The following MYO15B variants were observed in gnomAD, a reference collection of about 807,000 sequenced individuals.
MYO15B encodes the protein myosin XVB pseudogene.
In MYO15B, 207 loss-of-function variants were observed where a neutral mutation model predicts 119.3. The observed-to-expected ratio is 1.73, with a 90% CI of 1.55 to 1.95. The LOEUF (loss-of-function observed/expected upper bound fraction) is 1.95. Ranked by LOEUF, MYO15B falls within the 30% of genes most tolerant of loss-of-function variation. MYO15B has a pLI of 0.00. For synonymous variants in MYO15B, 966 were observed against 498.9 expected (o/e 1.94, Z -12.48); for missense variants, 2,264 against 1,203.1 (o/e 1.88, Z -13.04).
At chr17:75,620,927 G>C (rs1339850170) in intron 49 of MYO15B, 104 bp from the exon 50 acceptor site, 1 of 702,342 alleles carries the variant, frequency 1.4e-6, no homozygotes, top group Non-Finnish European at 2.6e-6. Flanking sequence ...CTGGCTTCTG[G>C]TCTTGCTCCT....
intron 53 of MYO15B, 47 bp from the exon 54 acceptor site, chr17:75,623,733 GC>G (rs1272913274): frequency 1.4e-5 from 10 of 701,240 alleles, no homozygotes; most frequent in African/African-American, 1.0e-4. Flanking sequence ...CAGACCCCAG[GC>G]TCACCGCTGC....
In MYO15B at chr17:75,616,964, G is replaced by T; in HGVS notation, c.6594+3G>T. 1 of 702,902 alleles carries T rather than the reference G, an allele frequency of 1.4e-6. No homozygotes were observed. Among genetic ancestry groups the T allele is most frequent in the South Asian group, 1.5e-5 (1 of 67,584 alleles). The allele number at this position is 702,902 out of a possible 1,614,324, so 43.5% of individuals were successfully genotyped here. A position where few individuals can be genotyped will look rare whatever the true frequency, so the allele number is the denominator to read the frequency against. On this transcript the variant is annotated splice_donor_region_variant and intron_variant, in intron 40 of 63. Coordinates refer to ENST00000645453, the Ensembl canonical transcript of MYO15B. ...ACGGTGCCCACTCGTCCCCGCCGGT[G>T]AGCACCCCAGCCTGTCTCCCCCAGA...
At chr17:75,623,078 C>T (rs371167948) in intron 53 of MYO15B, among the ~76,000 whole-genome samples, 1 of 152,306 alleles carries the variant, frequency 6.6e-6, no homozygotes, top group East Asian at 1.9e-4. Context: ...CCGCCTGTAA[C>T]CCCAGCACTT....
rs1026233607 is a variant in MYO15B at position 75,621,419 on chromosome 17, G to C, written c.7935+11G>C. The C allele has an allele frequency of 2.9e-6, 2 of 699,638 alleles. No homozygotes were observed. The highest frequency in any genetic ancestry group is 4.0e-5 in the Admixed American group (2 of 49,924). 43.3% of individuals were successfully genotyped at this position (699,638 alleles called of 1,614,324 possible). A position where few individuals can be genotyped will look rare whatever the true frequency, so the allele number is the denominator to read the frequency against. ...GTGCAGTACACCAAGGTGGGAGAGA[G>C]GCAGGGAGGGGTCTGGCCCGTAGAT... On this transcript the variant is annotated intron_variant, in intron 51 of 63. Coordinates refer to ENST00000645453, the Ensembl canonical transcript of MYO15B.
At chr17:75,605,721 C>A in intron 20 of MYO15B, 100 bp downstream of exon 20, 1 of 674,768 alleles carries the variant, frequency 1.5e-6, no homozygotes, top group South Asian at 1.5e-5. Context: ...GGGATCCATC[C>A]AAGTGGTGGG....
rs112815361 is a variant in MYO15B, at chr17:75,621,994, G to A, written c.8006-10G>A. On this transcript the variant is annotated splice_polypyrimidine_tract_variant and intron_variant, in intron 52 of 63. Transcript: ENST00000645453. Reference sequence around the variant, plus strand: ...CCAGCTATGTGCCCTGTTTCTTATCGTGCCTGCAGCCCTGATGCGGTTTAT... The same window carrying A: ...CCAGCTATGTGCCCTGTTTCTTATCATGCCTGCAGCCCTGATGCGGTTTAT... The A allele has an allele frequency of 4.1e-5, 29 of 702,758 alleles. No individual in the cohort carries two copies. The highest frequency in any genetic ancestry group is 3.0e-4 in the South Asian group (20 of 67,598). The allele number at this position is 702,758 out of a possible 1,614,324, so 43.5% of individuals were successfully genotyped here.
At chr17:75,611,253 G>A (rs187874805) in intron 23 of MYO15B, among the ~76,000 whole-genome samples, 14 of 152,064 alleles carry the variant, frequency 9.2e-5, no homozygotes, top group African/African-American at 3.1e-4. Context: ...CTTGAGCCCA[G>A]GAATTTGAGA....
chr17:75,591,845 T>A lies in MYO15B; in HGVS notation c.2548-132T>A, dbSNP rs527980672. The A allele has an allele frequency of 3.6e-5, 24 of 668,208 alleles. No individual in the cohort carries two copies. The South Asian group carries it at 3.9e-4, about 11-fold the overall frequency. 41.4% of individuals were successfully genotyped at this position (668,208 alleles called of 1,614,324 possible). A position where few individuals can be genotyped will look rare whatever the true frequency, so the allele number is the denominator to read the frequency against. On this transcript the variant is annotated intron_variant, in intron 5 of 63. Transcript: ENST00000645453. ...AGGGGTGGTCTCCAGGCCTCTGGCG[T>A]CTCCTGGGGTCAGCTGCAGGCACTG...
rs1425907691 is a variant in MYO15B, at chr17:75,589,252, G to C, written c.1195G>C (p.Gly399Arg). Residue 399 changes from glycine (G) to arginine (R), a missense_variant, in exon 1 of 64, where the codon GGG (glycine) becomes CGG (arginine). Coordinates refer to ENST00000645453, the Ensembl canonical transcript of MYO15B. This position sits in a 1 kb window ranked among gnomAD's most constrained non-coding sequence, Gnocchi z 4.2. ...GCCAGAGGGCGAGGGGCAGGGTACC[G>C]GGCCACGGGCGAGCGAGGGGTGGGG... 2 of 398,752 alleles carry C rather than the reference G, an allele frequency of 5.0e-6. No individual in the cohort carries two copies. Among genetic ancestry groups the C allele is most frequent in the Non-Finnish European group, 8.8e-6 (2 of 226,602 alleles). The allele number at this position is 398,752 out of a possible 1,614,324, so 24.7% of individuals were successfully genotyped here. A position where few individuals can be genotyped will look rare whatever the true frequency, so the allele number is the denominator to read the frequency against.
intron 41 of MYO15B, 102 bp downstream of exon 41, chr17:75,617,406 G>C (rs778108060): frequency 3.5e-5 from 20 of 569,568 alleles, no homozygotes; most frequent in Non-Finnish European, 5.9e-5. Flanking sequence ...CTGCGTGGCT[G>C]AGGCCAGCTG....
chr17:75,611,359 G>A (rs1166576515), intron 23 of MYO15B, among the ~76,000 whole-genome samples: 1 of 151,774 alleles, frequency 6.6e-6, no homozygotes, highest in African/African-American at 2.4e-5. Context: ...CTACTCAGGA[G>A]GTTTGAGGTG....
At chr17:75,606,852 C>CCTGCAGT in intron 21 of MYO15B, 1 of 397,126 alleles carries the variant, frequency 2.5e-6, no homozygotes, top group Non-Finnish European at 4.4e-6. Flanking sequence ...AGACTTTTAC[C>CCTGCAGT]CTGCAGTGAC....
intron 4 of MYO15B, 151 bp from the exon 5 acceptor site, chr17:75,591,450 G>A: frequency 8.1e-6 from 5 of 620,318 alleles, no homozygotes; most frequent in Middle Eastern, 7.0e-4. Context: ...TTTCTGTCGG[G>A]TCTCTCCATG....
rs192553429 is a variant in MYO15B at position 75,592,418 on chromosome 17, T to C, written c.2716-10T>C. On this transcript the variant is annotated splice_polypyrimidine_tract_variant and intron_variant, in intron 7 of 63. Coordinates refer to ENST00000645453, the Ensembl canonical transcript of MYO15B. ...GGGCACTGAGCCCCTAAGCCAGTCC[T>C]GTCCCCAAGGCCCAGGCTGAGCGGA... 1.6e-6 allele frequency: 1 copy of C among 644,396 alleles called. No individual in the cohort carries two copies. The highest frequency in any genetic ancestry group is 1.7e-5 in the South Asian group (1 of 57,800). The allele number at this position is 644,396 out of a possible 1,614,324, so 39.9% of individuals were successfully genotyped here.
intron 9 of MYO15B, among the ~76,000 whole-genome samples, chr17:75,593,756 C>G (rs1183130679): frequency 6.6e-6 from 1 of 151,416 alleles, no homozygotes; most frequent in African/African-American, 2.4e-5. Flanking sequence ...CCCGTCTCTA[C>G]TAAAAATACA....
chr17:75,597,540 A>T (rs182272283), intron 14 of MYO15B, among the ~76,000 whole-genome samples: 243 of 152,342 alleles, frequency 1.6e-3, no homozygotes, highest in South Asian at 5.0e-3. Flanking sequence ...TGTGCCAGGA[A>T]CTGTGCTAAG....
Position 75,611,665 on chromosome 17 carries a change from C to T in MYO15B, c.4504+7C>T, listed in dbSNP as rs1020821420. ...ATGCTGAAGACGGCGGAAAGTGAGT[C>T]TTGTTGGTGTCCTCTTGTTAGGACT... On this transcript the variant is annotated splice_region_variant and intron_variant, in intron 24 of 63. Transcript: ENST00000645453. 1.4e-6 allele frequency: 1 copy of T among 702,680 alleles called. No homozygotes were observed. The highest frequency in any genetic ancestry group is 1.7e-5 in the African/African-American group (1 of 57,204). 43.5% of individuals were successfully genotyped at this position (702,680 alleles called of 1,614,324 possible). A position where few individuals can be genotyped will look rare whatever the true frequency, so the allele number is the denominator to read the frequency against.
exon 63 of MYO15B, chr17:75,626,098 G>A (rs1431880391): frequency 1.4e-6 from 1 of 702,990 alleles, no homozygotes; most frequent in Admixed American, 2.0e-5. Context: ...AGCCTGTACT[G>A]CCGCATTGCC....
intron 43 of MYO15B, among the ~76,000 whole-genome samples, chr17:75,618,759 A>C (rs562971938): frequency 1.4e-5 from 2 of 148,030 alleles, no homozygotes; most frequent in South Asian, 4.3e-4. Context: ...GGTACTTAAT[A>C]AATGGTTGTC....
Sources: gnomAD v4.1 joint callset for allele counts (sites outside exome capture counted in the v4.1 genomes callset) on GRCh38, gnomAD v4.1.1 for gene constraint, Gnocchi (gnomAD v3.1) non-coding constraint, MANE v1.5 for transcripts, NCBI Gene and HGNC (gene_info 2026-07-23, HGNC 2026-07-21) for gene names.